The following VCPIP1 variants were observed in gnomAD, a reference collection of about 807,000 sequenced individuals.
The protein encoded by VCPIP1 is valosin containing protein interacting protein 1.
A neutral mutation model predicts 85.0 loss-of-function variants in VCPIP1; 8 were observed. The observed-to-expected ratio is 0.09, with a 90% CI of 0.06 to 0.17. VCPIP1 has a LOEUF of 0.17. Among genes scored for constraint, VCPIP1 ranks in the 10% least tolerant of loss-of-function variants. The pLI is 1.00. For missense variants in VCPIP1, 1,070 were observed against 1,486.3 expected (o/e 0.72, Z 4.61); for synonymous variants, 543 against 544.5 (o/e 1.00, Z 0.04).
chr8:66,638,970 C>CTCTCTCTCTCTATATATATATA, intron 2 of VCPIP1, among the ~76,000 whole-genome samples: 7 of 118,434 alleles, frequency 5.9e-5, no homozygotes, highest in Admixed American at 1.7e-4. Context: ...CTCTCTCTCT[C>CTCTCTCTCTCTATATATATATA]TATATATATA....
At chr8:66,663,199 T>A (rs1324765613) in intron 1 of VCPIP1, among the ~76,000 whole-genome samples, 6 of 152,006 alleles carry the variant, frequency 3.9e-5, no homozygotes, top group Non-Finnish European at 5.9e-5. Flanking sequence ...CAAACTAAAA[T>A]CAACAATTCC....
In VCPIP1 at chr8:66,629,567, G is replaced by A. The variant is rs995568592; in HGVS notation, c.*4934C>T. The A allele has an allele frequency of 2.6e-5, 4 of 152,140 alleles. No homozygotes were observed. Among genetic ancestry groups the A allele is most frequent in the Non-Finnish European group, 4.4e-5 (3 of 68,044 alleles). The allele number at this position is 152,140 out of a possible 1,614,324, so 9.4% of individuals were successfully genotyped here. A position where few individuals can be genotyped will look rare whatever the true frequency, so the allele number is the denominator to read the frequency against. ...TAATATGTCTAAAGAAATTTTGCTG[G>A]CAGGGTGCGGTGGCTCACGCCTGTA... On this transcript the variant is annotated 3_prime_UTR_variant, in exon 3 of 3. Coordinates refer to ENST00000310421, the MANE Select transcript of VCPIP1 (RefSeq NM_025054.5).
intron 1 of VCPIP1, among the ~76,000 whole-genome samples, chr8:66,656,261 C>T (rs1387099132): frequency 6.6e-6 from 1 of 152,160 alleles, no homozygotes; most frequent in Non-Finnish European, 1.5e-5. Flanking sequence ...GTGGCTCAAT[C>T]ATGGTTCACC....
chr8:66,645,225 T>C (rs1205449270), intron 2 of VCPIP1, among the ~76,000 whole-genome samples: 1 of 150,524 alleles, frequency 6.6e-6, no homozygotes, highest in Non-Finnish European at 1.5e-5. Context: ...CGAGACCAGC[T>C]TGGCCGACAT....
intron 2 of VCPIP1, among the ~76,000 whole-genome samples, chr8:66,645,529 C>T (rs1217329202): frequency 2.0e-5 from 3 of 152,078 alleles, no homozygotes; most frequent in African/African-American, 7.2e-5. Flanking sequence ...ATCCAAAAAA[C>T]AAATATTTCA....
chr8:66,651,374 T>C (rs1811052297), intron 2 of VCPIP1, 84 bp downstream of exon 2: 1 of 1,024,316 alleles, frequency 9.8e-7, no homozygotes, highest in Non-Finnish European at 1.4e-6. Context: ...GAAAATATTT[T>C]AGTAGAAAAC....
At chr8:66,660,998 G>A (rs1586629713) in intron 1 of VCPIP1, among the ~76,000 whole-genome samples, 1 of 151,782 alleles carries the variant, frequency 6.6e-6, no homozygotes, top group Non-Finnish European at 1.5e-5. Flanking sequence ...AGCCGAGATC[G>A]CACCACTGCA....
rs1810850929 is a variant in VCPIP1, at chr8:66,633,182, AAC to A, written c.*1317_*1318del. ...TGACATACATTTTCTTAGAATTACA[AAC>A]ACAGTTCTGCATCTGTTACATGTGC... On this transcript the variant is annotated 3_prime_UTR_variant, in exon 3 of 3. Transcript: ENST00000310421. 6.6e-6 allele frequency: 1 copy of A among 152,584 alleles called. No homozygotes were observed. The highest frequency in any genetic ancestry group is 2.4e-5 in the African/African-American group (1 of 41,452). The allele number at this position is 152,584 out of a possible 1,614,324, so 9.5% of individuals were successfully genotyped here. A position where few individuals can be genotyped will look rare whatever the true frequency, so the allele number is the denominator to read the frequency against.
chr8:66,650,037 T>C (rs1430645271), intron 2 of VCPIP1, among the ~76,000 whole-genome samples: 4 of 150,930 alleles, frequency 2.7e-5, no homozygotes, highest in Non-Finnish European at 1.5e-5. Flanking sequence ...AATACTGTTC[T>C]TTTTTTAGGT....
At chr8:66,654,353 G>A (rs913085350) in intron 1 of VCPIP1, among the ~76,000 whole-genome samples, 13 of 152,226 alleles carry the variant, frequency 8.5e-5, no homozygotes, top group Admixed American at 7.2e-4. Context: ...GCACATGCCT[G>A]TTATCCTAGC....
chr8:66,639,321 C>CTTTTTTTT (rs57563619), intron 2 of VCPIP1, among the ~76,000 whole-genome samples: 39 of 67,806 alleles, frequency 5.8e-4, no homozygotes, highest in East Asian at 1.1e-3. Context: ...TAATTTTATT[C>CTTTTTTTT]TTTTTTTTTT....
chr8:66,664,370 T>A lies in VCPIP1; in HGVS notation c.2589A>T (p.Ala863=), dbSNP rs1444441932. ...SKAEGGQSAA[A]HSAHTVKQED... is the part of the protein sequence containing the mutation. ...CTTGTTTCACAGTGTGGGCTGAGTGTGCTGCAGCAGACTGACCACCTTCAG... is the reference window on the plus strand; with the variant it reads ...CTTGTTTCACAGTGTGGGCTGAGTGAGCTGCAGCAGACTGACCACCTTCAG... The change falls in exon 1 of 3, where the codon GCA becomes GCT. Residue 863 remains alanine (A), a synonymous_variant. Transcript: ENST00000310421. The A allele has an allele frequency of 3.7e-6, 6 of 1,613,926 alleles. No homozygotes were observed. The South Asian group carries it at 6.6e-5, about 18-fold the overall frequency.
intron 2 of VCPIP1, among the ~76,000 whole-genome samples, chr8:66,648,913 A>T (rs1245867512): frequency 2.6e-5 from 4 of 152,088 alleles, no homozygotes; most frequent in Non-Finnish European, 5.9e-5. Context: ...GTAATCGCAC[A>T]CTTTGGGAGG....
At chr8:66,650,955 C>A (rs1343338114) in intron 2 of VCPIP1, among the ~76,000 whole-genome samples, 1 of 149,532 alleles carries the variant, frequency 6.7e-6, no homozygotes, top group Non-Finnish European at 1.5e-5. Flanking sequence ...GAGGCCAAGG[C>A]GGGCAGATCA....
chr8:66,648,715 C>A (rs1162823279), intron 2 of VCPIP1, among the ~76,000 whole-genome samples: 1 of 152,010 alleles, frequency 6.6e-6, no homozygotes, highest in African/African-American at 2.4e-5. Context: ...CCACCACACC[C>A]GGCTAATTTT....
intron 2 of VCPIP1, among the ~76,000 whole-genome samples, chr8:66,638,936 T>TTCTCTCTCTC (rs750894538): frequency 3.8e-4 from 50 of 131,636 alleles, no homozygotes; most frequent in African/African-American, 1.3e-3. Flanking sequence ...CAAGAAAACT[T>TTCTCTCTCTC]TCTCTCTCTC....
intron 2 of VCPIP1, among the ~76,000 whole-genome samples, chr8:66,638,964 C>CTATATA (rs765356671): frequency 3.0e-5 from 4 of 132,562 alleles, no homozygotes; most frequent in Admixed American, 1.5e-4. Context: ...CTCTCTCTCT[C>CTATATA]TCTCTCTATA....
intron 2 of VCPIP1, among the ~76,000 whole-genome samples, chr8:66,648,219 A>G (rs554921963): frequency 1.3e-5 from 2 of 152,336 alleles, no homozygotes; most frequent in East Asian, 3.9e-4. Flanking sequence ...AACACATGCA[A>G]CAAGACAGAT....
chr8:66,636,848 C>T (rs1233298927), intron 2 of VCPIP1, among the ~76,000 whole-genome samples: 1 of 151,406 alleles, frequency 6.6e-6, no homozygotes, highest in Non-Finnish European at 1.5e-5. Context: ...GAGTGAGACT[C>T]CGTCTCAAAA....
Sources: gnomAD v4.1 joint callset for allele counts (sites outside exome capture counted in the v4.1 genomes callset) on GRCh38, gnomAD v4.1.1 for gene constraint, MANE v1.5 for transcripts, NCBI Gene and HGNC (gene_info 2026-07-23, HGNC 2026-07-21) for gene names.